NKAIN2: variants seen among roughly 807,000 people sequenced by gnomAD.
NKAIN2 encodes the protein sodium/potassium-transporting ATPase subunit beta-1-interacting protein 2.
NKAIN2 carries 14 observed loss-of-function variants against 32.6 expected under a neutral mutation model. That is an observed-to-expected ratio of 0.43 (90% confidence interval 0.28 to 0.67). NKAIN2 has a LOEUF of 0.67. Among genes scored for constraint, NKAIN2 ranks in the 30% least tolerant of loss-of-function variants. The probability of loss-of-function intolerance (pLI) is 0.17; values close to 1 mark genes in which losing one functional copy is unlikely to be tolerated. For synonymous variants in NKAIN2, 80 were observed against 87.2 expected (o/e 0.92, Z 0.46); for missense variants, 198 against 258.3 (o/e 0.77, Z 1.60).
At chr6:124,123,427 GTT>G (rs759074388) in intron 1 of NKAIN2, among the ~76,000 whole-genome samples, 1 of 152,156 alleles carries the variant, frequency 6.6e-6, no homozygotes, top group Non-Finnish European at 1.5e-5. Flanking sequence ...GCTAATTCTT[GTT>G]TTTCCCAGAG....
chr6:123,813,374 G>A (rs1773558204), intron 1 of NKAIN2, among the ~76,000 whole-genome samples: 1 of 152,162 alleles, frequency 6.6e-6, no homozygotes, highest in Admixed American at 6.5e-5. Context: ...ATAAGCTAGC[G>A]ATCAGGTACC....
chr6:124,012,577 GCC>G (rs1283535170), intron 1 of NKAIN2, among the ~76,000 whole-genome samples: 3 of 151,932 alleles, frequency 2.0e-5, no homozygotes, highest in East Asian at 3.9e-4. Flanking sequence ...CTTGTGATCC[GCC>G]CACCTCGGCC....
chr6:124,310,045 G>A (rs139355771), intron 2 of NKAIN2, among the ~76,000 whole-genome samples: 60 of 152,164 alleles, frequency 3.9e-4, no homozygotes, highest in African/African-American at 1.4e-3. Context: ...CAGAAACTAA[G>A]TTCTTTCAGA....
At chr6:124,262,430 G>A (rs1377829867) in intron 1 of NKAIN2, among the ~76,000 whole-genome samples, 2 of 152,098 alleles carry the variant, frequency 1.3e-5, no homozygotes, top group African/African-American at 4.8e-5. Context: ...CGCTGAAAAA[G>A]TTTAATAAAG....
intron 5 of NKAIN2, among the ~76,000 whole-genome samples, chr6:124,802,984 T>A (rs1322090813): frequency 1.3e-5 from 2 of 152,194 alleles, no homozygotes; most frequent in Non-Finnish European, 2.9e-5. Context: ...GATGCCCAGA[T>A]TCAATTTCTC....
chr6:124,167,878 T>G (rs921374434), intron 1 of NKAIN2, among the ~76,000 whole-genome samples: 1 of 152,200 alleles, frequency 6.6e-6, no homozygotes, highest in Non-Finnish European at 1.5e-5. Flanking sequence ...GATTTTTATG[T>G]ACTTAGGTAG....
intron 3 of NKAIN2, among the ~76,000 whole-genome samples, chr6:124,362,271 C>A (rs898402717): frequency 3.3e-5 from 5 of 151,970 alleles, no homozygotes; most frequent in Non-Finnish European, 5.9e-5. Flanking sequence ...ACTATCAAAG[C>A]AGATTTTTGC....
intron 2 of NKAIN2, among the ~76,000 whole-genome samples, chr6:124,300,905 T>G (rs2114974899): frequency 6.6e-6 from 1 of 152,280 alleles, no homozygotes; most frequent in East Asian, 1.9e-4. Flanking sequence ...TGCAGCCTGA[T>G]ATTGCAGTGG....
chr6:124,279,184 T>A (rs1236280814), intron 1 of NKAIN2, among the ~76,000 whole-genome samples: 1 of 152,132 alleles, frequency 6.6e-6, no homozygotes, highest in East Asian at 1.9e-4. Context: ...TGGGGAAAGT[T>A]AATGTGACTG....
intron 4 of NKAIN2, among the ~76,000 whole-genome samples, chr6:124,720,548 C>A (rs185573549): frequency 1.9e-3 from 282 of 152,274 alleles, no homozygotes; most frequent in Middle Eastern, 3.4e-3. Context: ...CTGTTTCAAG[C>A]ATGTTTTGAA....
chr6:124,147,919 C>G (rs546849855), intron 1 of NKAIN2, among the ~76,000 whole-genome samples: 1 of 152,170 alleles, frequency 6.6e-6, no homozygotes, highest in South Asian at 2.1e-4. Flanking sequence ...ATAAAAACTT[C>G]CCCTCCCATC....
intron 3 of NKAIN2, among the ~76,000 whole-genome samples, chr6:124,459,899 T>G (rs1345128347): frequency 6.6e-6 from 1 of 151,830 alleles, no homozygotes; most frequent in Non-Finnish European, 1.5e-5. Flanking sequence ...CTGATATTAG[T>G]GACCATTTAT....
At chr6:123,877,905 T>C (rs959843701) in intron 1 of NKAIN2, among the ~76,000 whole-genome samples, 8 of 152,228 alleles carry the variant, frequency 5.3e-5, no homozygotes, top group South Asian at 2.1e-4. Context: ...ATTTGTTCAA[T>C]TTCGTTAGTT....
At chr6:124,278,537 T>A (rs1795139629) in intron 1 of NKAIN2, among the ~76,000 whole-genome samples, 1 of 150,904 alleles carries the variant, frequency 6.6e-6, no homozygotes, top group East Asian at 1.9e-4. Context: ...ACATTTACTA[T>A]GGTGCAACGA....
intron 1 of NKAIN2, among the ~76,000 whole-genome samples, chr6:123,998,729 TTC>T (rs564867802): frequency 0.037 from 5,141 of 137,600 alleles, 253 homozygotes; most frequent in African/African-American, 0.11. Context: ...AAATTGTTGT[TTC>T]TCTCTCTCTC....
At chr6:123,883,927 C>T (rs1392263047) in intron 1 of NKAIN2, among the ~76,000 whole-genome samples, 1 of 145,062 alleles carries the variant, frequency 6.9e-6, no homozygotes, top group Non-Finnish European at 1.5e-5. Context: ...ATTACCTAGT[C>T]TCAGGTATTA....
intron 3 of NKAIN2, among the ~76,000 whole-genome samples, chr6:124,426,666 A>G (rs1229038520): frequency 1.3e-5 from 2 of 152,162 alleles, no homozygotes; most frequent in African/African-American, 2.4e-5. Context: ...TGATAAGGAT[A>G]TAGAAGAACA....
intron 1 of NKAIN2, among the ~76,000 whole-genome samples, chr6:124,156,702 C>T (rs965010919): frequency 1.3e-5 from 2 of 152,050 alleles, no homozygotes; most frequent in Admixed American, 6.5e-5. Context: ...GAAAAAATCT[C>T]GCTTTATATT....
intron 3 of NKAIN2, among the ~76,000 whole-genome samples, chr6:124,631,562 T>TTGAACACAAGC (rs1009849880): frequency 2.6e-5 from 4 of 152,144 alleles, no homozygotes; most frequent in Non-Finnish European, 4.4e-5. Flanking sequence ...CAGCCTTTGC[T>TTGAACACAAGC]TGAACACAAG....
Sources: allele counts gnomAD v4.1 joint callset (sites outside exome capture counted in the v4.1 genomes callset), GRCh38; gene constraint gnomAD v4.1.1; transcripts MANE v1.5; gene names NCBI Gene and HGNC (gene_info 2026-07-23, HGNC 2026-07-21).